The following KATNAL2 variants were observed in gnomAD, a reference collection of about 807,000 sequenced individuals.
KATNAL2 encodes the protein katanin p60 ATPase-containing subunit A-like 2.
Under a neutral mutation model 76.3 loss-of-function variants are expected in KATNAL2, and 52 were observed. The observed-to-expected ratio is 0.68, with a 90% CI of 0.55 to 0.86. KATNAL2 has a LOEUF of 0.86. Ranked by LOEUF, KATNAL2 falls within the 40% of genes least tolerant of loss-of-function variation. The pLI is 0.00. For missense variants in KATNAL2, 660 were observed against 668.9 expected (o/e 0.99, Z 0.15); for synonymous variants, 243 against 244.2 (o/e 1.00, Z 0.05).
chr18:46,953,655 G>C (rs569346914), intron 3 of KATNAL2, among the ~76,000 whole-genome samples: 1 of 152,188 alleles, frequency 6.6e-6, no homozygotes, highest in East Asian at 1.9e-4. Context: ...TACCTGGAGG[G>C]CTAAAGTGGC....
At chr18:47,058,958 C>T (rs2061549954) in intron 7 of KATNAL2, among the ~76,000 whole-genome samples, 1 of 152,086 alleles carries the variant, frequency 6.6e-6, no homozygotes, top group African/African-American at 2.4e-5. Flanking sequence ...TGTCCAGAAC[C>T]TTCTTAGTTA....
chr18:46,922,084 A>G (rs1445958036), intron 1 of KATNAL2, among the ~76,000 whole-genome samples: 1 of 151,880 alleles, frequency 6.6e-6, no homozygotes, highest in Non-Finnish European at 1.5e-5. Context: ...AAGGAATTAA[A>G]AAAAAATTTT....
intron 13 of KATNAL2, among the ~76,000 whole-genome samples, chr18:47,071,609 T>C (rs564699798): frequency 6.5e-4 from 99 of 152,116 alleles, no homozygotes; most frequent in African/African-American, 2.3e-3. Context: ...AAAGTGGTGT[T>C]TGGAACCACG....
intron 15 of KATNAL2, among the ~76,000 whole-genome samples, chr18:47,097,011 TG>T (rs1281907694): frequency 1.3e-5 from 2 of 148,172 alleles, no homozygotes; most frequent in Non-Finnish European, 3.0e-5. Flanking sequence ...TCCCAGCTAC[TG>T]GGGGGCTGAG....
intron 3 of KATNAL2, among the ~76,000 whole-genome samples, chr18:47,042,077 G>T (rs184267390): frequency 6.6e-6 from 1 of 152,094 alleles, no homozygotes; most frequent in African/African-American, 2.4e-5. Context: ...AGGAGGGTTT[G>T]TCTGTGTTTG....
chr18:46,956,598 G>T (rs1327309142), intron 3 of KATNAL2, among the ~76,000 whole-genome samples: 1 of 151,698 alleles, frequency 6.6e-6, no homozygotes, highest in African/African-American at 2.4e-5. Flanking sequence ...AATGTTTACT[G>T]GTTGCTTTCT....
chr18:46,950,366 C>T lies in KATNAL2; in HGVS notation c.51+3443C>T, dbSNP rs111413183. ...AGAAGCTGGAGGAGGGGATGTGATC[C>T]AGTGTGTTAGATATAAAGAGGACTG... On this transcript the variant is annotated intron_variant, in intron 3 of 17. Coordinates refer to ENST00000683218, the MANE Select transcript of KATNAL2 (RefSeq NM_001387690.1). Among the ~76,000 whole-genome samples the T allele has an allele frequency of 6.5e-3, 990 of 152,096 alleles. 5 individuals carry two copies. Among genetic ancestry groups the T allele is most frequent in the African/African-American group, 0.023 (951 of 41,468 alleles).
intron 14 of KATNAL2, chr18:47,076,636 AAG>A (rs1267523174): frequency 6.6e-6 from 1 of 152,144 alleles, no homozygotes; most frequent in Non-Finnish European, 1.5e-5. Context: ...CTCCAAAATT[AAG>A]AGTCTTCAAA....
rs1195140135 is a variant in KATNAL2, at chr18:47,043,226, C to CAAAAAAAAAAAAAAAAAAAAAAAAAAA, written c.52-3212_52-3211insAAAAAAAAAAAAAAAAAAAAAAAAAAA. Among the ~76,000 whole-genome samples, 34 of 41,682 alleles carry CAAAAAAAAAAAAAAAAAAAAAAAAAAA rather than the reference C, an allele frequency of 8.2e-4. 6 individuals are homozygous for CAAAAAAAAAAAAAAAAAAAAAAAAAAA. Among genetic ancestry groups the CAAAAAAAAAAAAAAAAAAAAAAAAAAA allele is most frequent in the East Asian group, 2.0e-3 (2 of 1,022 alleles). 27.3% of individuals were successfully genotyped at this position (41,682 alleles called of 152,430 possible). ...CCGGCGACAGAGCGAGACTCCGTTT[C>CAAAAAAAAAAAAAAAAAAAAAAAAAAA]AAAAAAAAAAAAAAAAAAAGAGATC... is the stretch of plus-strand genomic sequence containing the variant. On this transcript the variant is annotated intron_variant, in intron 3 of 17. Coordinates refer to ENST00000683218, the MANE Select transcript of KATNAL2 (RefSeq NM_001387690.1).
At chr18:46,934,159 AC>A (rs543070402) in intron 1 of KATNAL2, among the ~76,000 whole-genome samples, 1,677 of 152,188 alleles carry the variant, frequency 0.011, 17 homozygotes, top group Non-Finnish European at 0.017. Context: ...TTGGGTATAT[AC>A]CCAGTAATGG....
At chr18:47,070,253 C>T (rs764619163) in intron 13 of KATNAL2, among the ~76,000 whole-genome samples, 19 of 151,932 alleles carry the variant, frequency 1.3e-4, no homozygotes, top group East Asian at 1.9e-4. Context: ...CCTGCCACCA[C>T]GCCCAGCTAA....
At chr18:47,064,342 C>A (rs2061724177) in intron 10 of KATNAL2, among the ~76,000 whole-genome samples, 2 of 152,094 alleles carry the variant, frequency 1.3e-5, no homozygotes, top group African/African-American at 2.4e-5. Context: ...ATAGGCACTT[C>A]CATGAGAAAT....
chr18:46,947,561 G>T (rs1390452205), intron 3 of KATNAL2, among the ~76,000 whole-genome samples: 3 of 151,774 alleles, frequency 2.0e-5, no homozygotes, highest in Non-Finnish European at 4.4e-5. Context: ...CAGGCACTGG[G>T]GAGATAAAAA....
Position 47,077,579 on chromosome 18 carries a change from T to C in KATNAL2, c.1211+118T>C, listed in dbSNP as rs997554086. The C allele has an allele frequency of 4.3e-6, 3 of 698,800 alleles. No individual in the cohort carries two copies. In the Admixed American group the frequency reaches 6.4e-5, roughly 15 times the overall value. The allele number at this position is 698,800 out of a possible 1,614,324, so 43.3% of individuals were successfully genotyped here. The stretch of plus-strand genomic sequence containing the variant: ...GTTGTTTGGCTGCAGCCCTGGAAGA[T>C]TAATGTGGAGGCTTTACTGTTCAGG... On this transcript the variant is annotated intron_variant, in intron 15 of 17. Coordinates refer to ENST00000683218, the MANE Select transcript of KATNAL2 (RefSeq NM_001387690.1).
intron 3 of KATNAL2, among the ~76,000 whole-genome samples, chr18:47,037,794 T>G (rs943306216): frequency 2.0e-5 from 3 of 152,186 alleles, no homozygotes; most frequent in African/African-American, 7.2e-5. Flanking sequence ...ATTATTATTT[T>G]AAGACCTGGT....
chr18:47,087,837 T>A (rs2062841075), intron 15 of KATNAL2, among the ~76,000 whole-genome samples: 1 of 152,076 alleles, frequency 6.6e-6, no homozygotes, highest in Non-Finnish European at 1.5e-5. Context: ...ACAAGTGATA[T>A]TTGTTCTATG....
chr18:46,960,746 G>T (rs1241144549), intron 3 of KATNAL2, among the ~76,000 whole-genome samples: 1 of 152,186 alleles, frequency 6.6e-6, no homozygotes, highest in African/African-American at 2.4e-5. Context: ...GCCAGGCACA[G>T]CCTAGAATAA....
At chr18:47,072,064 G>A (rs1262455741) in intron 13 of KATNAL2, among the ~76,000 whole-genome samples, 2 of 131,798 alleles carry the variant, frequency 1.5e-5, no homozygotes, top group Non-Finnish European at 3.1e-5. Context: ...TCTGTCAAGT[G>A]ATTCTCCTGC....
chr18:47,033,430 G>A (rs142997341), intron 3 of KATNAL2: 3 of 1,614,046 alleles, frequency 1.9e-6, no homozygotes, highest in South Asian at 1.1e-5. Flanking sequence ...TGGGGCGTCC[G>A]GAAGCCGCAG....
Sources: gnomAD v4.1 joint callset for allele counts (sites outside exome capture counted in the v4.1 genomes callset) on GRCh38, gnomAD v4.1.1 for gene constraint, MANE v1.5 for transcripts, NCBI Gene and HGNC (gene_info 2026-07-23, HGNC 2026-07-21) for gene names.